Variants in MARK3 observed in about 807,000 individuals in gnomAD.
The protein encoded by MARK3 is MAP/microtubule affinity-regulating kinase 3.
MARK3 carries 46 observed loss-of-function variants against 90.1 expected under a neutral mutation model. That is an observed-to-expected ratio of 0.51 (90% CI 0.40 to 0.65). The LOEUF (loss-of-function observed/expected upper bound fraction) is 0.65, where lower values mean the gene tolerates loss of function less well. Ranked by LOEUF, MARK3 falls within the 30% of genes least tolerant of loss-of-function variation. MARK3 has a pLI of 0.00. For synonymous variants in MARK3, 321 were observed against 332.6 expected (o/e 0.97, Z 0.38); for missense variants, 818 against 947.2 (o/e 0.86, Z 1.79).
intron 3 of MARK3, among the ~76,000 whole-genome samples, chr14:103,444,033 C>A (rs1193376707): frequency 6.6e-6 from 1 of 150,384 alleles, no homozygotes; most frequent in Admixed American, 6.6e-5. Context: ...TCTGTAACCC[C>A]CGTGTTCTCT....
intron 3 of MARK3, among the ~76,000 whole-genome samples, chr14:103,436,725 G>A (rs889606103): frequency 2.0e-5 from 3 of 152,066 alleles, no homozygotes; most frequent in Non-Finnish European, 4.4e-5. Flanking sequence ...CAATCCTCCC[G>A]TCTTGGCCTC....
chr14:103,411,471 C>T (rs1028228851), intron 2 of MARK3, among the ~76,000 whole-genome samples: 1 of 152,096 alleles, frequency 6.6e-6, no homozygotes, highest in African/African-American at 2.4e-5. Context: ...TTGAAGATAC[C>T]TGCGTTAACA....
At chr14:103,409,868 A>C (rs1471596086) in intron 2 of MARK3, among the ~76,000 whole-genome samples, 1 of 152,166 alleles carries the variant, frequency 6.6e-6, no homozygotes, top group Non-Finnish European at 1.5e-5. Context: ...TTTTGTTGTT[A>C]CAAACAGATC....
chr14:103,481,891 C>T (rs1374219415), intron 14 of MARK3, among the ~76,000 whole-genome samples: 5 of 148,952 alleles, frequency 3.4e-5, no homozygotes, highest in Non-Finnish European at 5.9e-5. Context: ...CTCAGCCTCC[C>T]GAGTAGCTGG....
intron 3 of MARK3, among the ~76,000 whole-genome samples, chr14:103,435,598 T>C (rs889545597): frequency 6.7e-5 from 10 of 149,372 alleles, no homozygotes; most frequent in East Asian, 2.0e-4. Flanking sequence ...TTAGTAGAGA[T>C]GGGGTTTCAC....
At chr14:103,421,913 A>G (rs2092236549) in intron 2 of MARK3, among the ~76,000 whole-genome samples, 1 of 152,152 alleles carries the variant, frequency 6.6e-6, no homozygotes, top group Non-Finnish European at 1.5e-5. Context: ...ATTTTTATTC[A>G]AGTTACATAT....
chr14:103,487,491 C>T (rs552303912), intron 14 of MARK3, among the ~76,000 whole-genome samples: 1 of 151,856 alleles, frequency 6.6e-6, no homozygotes, highest in South Asian at 2.1e-4. Flanking sequence ...CATTGGGAAT[C>T]GATGCAGCAC....
At chr14:103,415,528 T>C (rs1465205550) in intron 2 of MARK3, among the ~76,000 whole-genome samples, 2 of 152,246 alleles carry the variant, frequency 1.3e-5, no homozygotes, top group East Asian at 3.8e-4. Context: ...GGGATGTTAG[T>C]TGCATCTGCT....
At chr14:103,457,720 TTAA>T (rs531313630) in intron 6 of MARK3, among the ~76,000 whole-genome samples, 111 of 152,216 alleles carry the variant, frequency 7.3e-4, no homozygotes, top group Non-Finnish European at 1.3e-3. Flanking sequence ...CCTGTCTTTA[TTAA>T]TAATAATTAC....
rs142938235 is a variant in MARK3, at chr14:103,475,021, G to A, written c.1293G>A (p.Ala431=). 873 of 1,613,916 alleles carry A rather than the reference G, an allele frequency of 5.4e-4. 3 individuals carry two copies. In the African/African-American group the frequency reaches 1.0e-2, roughly 18 times the overall value. ...GACCAGCTATTCCTTCTGTTGTGGCGTATCCGAAAAGGAGTCAGACCAGCA... is the reference window on the plus strand; with the variant it reads ...GACCAGCTATTCCTTCTGTTGTGGCATATCCGAAAAGGAGTCAGACCAGCA... ...HAGPAIPSVV[A]YPKRSQTSTA... The change falls in exon 13 of 18, where the codon GCG becomes GCA. Residue 431 remains alanine, a synonymous_variant. Transcript: ENST00000429436.
Position 103,411,541 on chromosome 14 carries a change from C to T in MARK3, c.243+6274C>T, listed in dbSNP as rs59027218. Among the ~76,000 whole-genome samples the T allele has an allele frequency of 5.3e-3, 803 of 152,176 alleles. 21 individuals are homozygous for T. The highest frequency in any genetic ancestry group is 0.044 in the Admixed American group (665 of 15,268). On this transcript the variant is annotated intron_variant, in intron 2 of 17. Coordinates refer to ENST00000429436, the MANE Select transcript of MARK3 (RefSeq NM_001128918.3). ...CCAGTCTGTTTATTTAGTCCTATAC[C>T]CATACTGTGGTGTTTTTATTACTGC...
intron 1 of MARK3, among the ~76,000 whole-genome samples, chr14:103,398,154 C>CA (rs1321914822): frequency 2.0e-5 from 3 of 151,834 alleles, no homozygotes; most frequent in African/African-American, 7.3e-5. Context: ...TCTGTCACCA[C>CA]AAAAAAAATG....
chr14:103,401,267 C>T (rs561680395), intron 1 of MARK3, among the ~76,000 whole-genome samples: 11 of 152,136 alleles, frequency 7.2e-5, no homozygotes, highest in African/African-American at 1.9e-4. Context: ...CAAGAAACAT[C>T]GAATTAAATA....
rs112029232 is a variant in MARK3, at chr14:103,458,677, T to C, written c.483+1465T>C. Reference sequence around the variant, plus strand: ...CAAGGCCTACATTGAAATGGAATTATAGCCTCATTTTTTCTTAGAACCTTT... The same window carrying C: ...CAAGGCCTACATTGAAATGGAATTACAGCCTCATTTTTTCTTAGAACCTTT... On this transcript the variant is annotated intron_variant, in intron 6 of 17. Coordinates refer to ENST00000429436, the MANE Select transcript of MARK3 (RefSeq NM_001128918.3). The C allele has an allele frequency of 5.0e-4, 328 of 657,214 alleles. 1 individual carries two copies. In the African/African-American group the frequency reaches 5.4e-3, roughly 11 times the overall value. The allele number at this position is 657,214 out of a possible 1,614,324, so 40.7% of individuals were successfully genotyped here.
chr14:103,436,888 C>T (rs1267790044), intron 3 of MARK3, among the ~76,000 whole-genome samples: 4 of 152,102 alleles, frequency 2.6e-5, no homozygotes, highest in Non-Finnish European at 2.9e-5. Flanking sequence ...GTCTGGAATT[C>T]GAGACTAGCC....
In MARK3 at chr14:103,481,947, T is replaced by C. The variant is rs999285713; in HGVS notation, c.1586+1457T>C. Among the ~76,000 whole-genome samples, 17 of 150,850 alleles carry C rather than the reference T, an allele frequency of 1.1e-4. No homozygotes were observed. The South Asian group carries it at 1.7e-3, about 15-fold the overall frequency. On this transcript the variant is annotated intron_variant, in intron 14 of 17. Transcript: ENST00000429436. ...ACTCCCAGGTAATTTTTTGTATTTT[T>C]AGTAGAGACGGGGTTTCACCATGTT...
intron 2 of MARK3, among the ~76,000 whole-genome samples, chr14:103,418,068 C>G (rs968783372): frequency 6.6e-6 from 1 of 151,994 alleles, no homozygotes; most frequent in Non-Finnish European, 1.5e-5. Context: ...AACTCTGTCT[C>G]AAAAGAAAGA....
chr14:103,487,265 G>A (rs531900249), intron 14 of MARK3, among the ~76,000 whole-genome samples: 2 of 151,430 alleles, frequency 1.3e-5, no homozygotes, highest in South Asian at 2.1e-4. Context: ...CAAGACGGGC[G>A]GATTGCCTAA....
At position 103,405,573 on chromosome 14, in the gene MARK3, C is replaced by T. The variant is rs542704819; in HGVS notation, c.243+306C>T. 9.2e-5 allele frequency among the ~76,000 whole-genome samples: 14 copies of T among 152,186 alleles called. No homozygotes were observed. In the South Asian group the frequency reaches 2.7e-3, roughly 29 times the overall value. On this transcript the variant is annotated intron_variant, in intron 2 of 17. Transcript: ENST00000429436. ...AGCCAGGATGGTCTCGATCTCCTGA[C>T]CTTGTGATCCGCCCGTCTCGGCCTC... is the stretch of plus-strand genomic sequence containing the variant.
Sources: allele counts gnomAD v4.1 joint callset (sites outside exome capture counted in the v4.1 genomes callset), GRCh38; gene constraint gnomAD v4.1.1; transcripts MANE v1.5; gene names NCBI Gene and HGNC (gene_info 2026-07-23, HGNC 2026-07-21).